Variants in TMEM178B observed in about 807,000 individuals in gnomAD.
TMEM178B encodes the protein transmembrane protein 178B.
TMEM178B carries 5 observed loss-of-function variants against 31.0 expected under a neutral mutation model. The ratio of observed to expected loss-of-function variants is 0.16; its 90% CI spans 0.08 to 0.34. The LOEUF is 0.34. TMEM178B is among the 10% of genes least tolerant of loss of function. The pLI is 1.00. For synonymous variants in TMEM178B, 164 were observed against 164.0 expected (o/e 1.00, Z 0.00); for missense variants, 275 against 400.3 (o/e 0.69, Z 2.67).
At chr7:141,285,375 G>A (rs945559919) in intron 2 of TMEM178B, among the ~76,000 whole-genome samples, 1 of 151,124 alleles carries the variant, frequency 6.6e-6, no homozygotes, top group Non-Finnish European at 1.5e-5. Context: ...AGCCAAGATG[G>A]TCTCGATCTC....
At chr7:141,267,825 TA>T (rs1798117526) in intron 2 of TMEM178B, among the ~76,000 whole-genome samples, 1 of 152,158 alleles carries the variant, frequency 6.6e-6, no homozygotes, top group Non-Finnish European at 1.5e-5. Flanking sequence ...CCTCATCATA[TA>T]ATTGGGGGAT....
At chr7:141,279,799 T>C (rs73169503) in intron 2 of TMEM178B, among the ~76,000 whole-genome samples, 8,181 of 152,340 alleles carry the variant, frequency 0.054, 346 homozygotes, top group East Asian at 0.13. Flanking sequence ...CTTCTCTTCC[T>C]AGATGGCCCT....
chr7:141,196,280 C>T (rs775396122), intron 1 of TMEM178B, among the ~76,000 whole-genome samples: 1 of 151,952 alleles, frequency 6.6e-6, no homozygotes, highest in Non-Finnish European at 1.5e-5. Context: ...GGTTTTCACT[C>T]TTTTTTGCAA....
intron 1 of TMEM178B, among the ~76,000 whole-genome samples, chr7:141,176,659 A>T (rs1270390954): frequency 6.6e-6 from 1 of 152,070 alleles, no homozygotes; most frequent in Admixed American, 6.5e-5. Context: ...CTATTCAGGG[A>T]TTCAATTTCT....
chr7:141,212,780 C>A (rs888997366), intron 2 of TMEM178B, 76 bp downstream of exon 2: 1 of 1,183,884 alleles, frequency 8.4e-7, no homozygotes, highest in Non-Finnish European at 1.2e-6. Flanking sequence ...ATTGGATGTG[C>A]CTCCTTCTGG....
chr7:141,289,439 G>C (rs762947344), intron 2 of TMEM178B, among the ~76,000 whole-genome samples: 7 of 152,162 alleles, frequency 4.6e-5, no homozygotes, highest in Non-Finnish European at 8.8e-5. Flanking sequence ...AATGCGGCTG[G>C]GTGTGGTGGT....
intron 2 of TMEM178B, among the ~76,000 whole-genome samples, chr7:141,247,204 T>TCTAC (rs1160209356): frequency 1.3e-5 from 2 of 149,976 alleles, no homozygotes; most frequent in African/African-American, 4.9e-5. Context: ...GGTTTCTCTC[T>TCTAC]ACACACACAC....
intron 2 of TMEM178B, among the ~76,000 whole-genome samples, chr7:141,322,988 T>C (rs1347890078): frequency 1.3e-5 from 2 of 152,198 alleles, no homozygotes. Flanking sequence ...ACCATTTCCT[T>C]ATGTGCCCTT....
intron 2 of TMEM178B, among the ~76,000 whole-genome samples, chr7:141,334,578 G>A (rs1378418823): frequency 6.6e-6 from 1 of 152,176 alleles, no homozygotes; most frequent in East Asian, 1.9e-4. Context: ...CTTGGGAACA[G>A]GGGGGAAAAG....
At chr7:141,172,530 C>T (rs964373470) in intron 1 of TMEM178B, among the ~76,000 whole-genome samples, 3 of 152,222 alleles carry the variant, frequency 2.0e-5, no homozygotes, top group African/African-American at 7.2e-5. Context: ...GGCCCTGCAA[C>T]CTCAGCAAGT....
chr7:141,501,215 A>G, the TMEM178B span, among the ~76,000 whole-genome samples: 2 of 151,064 alleles, frequency 1.3e-5, no homozygotes, highest in South Asian at 2.1e-4. Flanking sequence ...GTGGACTCCC[A>G]CAGGTAGGTC....
intron 1 of TMEM178B, among the ~76,000 whole-genome samples, chr7:141,157,230 C>A (rs950695702): frequency 6.6e-6 from 1 of 152,090 alleles, no homozygotes; most frequent in Non-Finnish European, 1.5e-5. Context: ...TGCAAACTAC[C>A]AAGTCTCATG....
chr7:141,441,702 A>G (rs1457505327), intron 3 of TMEM178B, among the ~76,000 whole-genome samples: 1 of 152,190 alleles, frequency 6.6e-6, no homozygotes, highest in African/African-American at 2.4e-5. Context: ...AGGTGACTTC[A>G]GAGGAAACTG....
intron 2 of TMEM178B, among the ~76,000 whole-genome samples, chr7:141,234,352 G>T (rs1484678328): frequency 6.6e-6 from 1 of 152,128 alleles, no homozygotes; most frequent in African/African-American, 2.4e-5. Context: ...CTTGAACAAT[G>T]GCTGGGACTT....
chr7:141,076,885 T>G (rs1490688060), intron 1 of TMEM178B, among the ~76,000 whole-genome samples: 1 of 152,160 alleles, frequency 6.6e-6, no homozygotes, highest in African/African-American at 2.4e-5. Context: ...GCTGTTTCTG[T>G]CCATTTGACA....
At chr7:141,497,931 C>T in the TMEM178B span, among the ~76,000 whole-genome samples, 1 of 152,162 alleles carries the variant, frequency 6.6e-6, no homozygotes, top group Non-Finnish European at 1.5e-5. Context: ...CCTGAAGCTG[C>T]AAAGCCCTGG....
intron 1 of TMEM178B, among the ~76,000 whole-genome samples, chr7:141,099,953 G>A (rs1335813367): frequency 1.3e-5 from 2 of 151,572 alleles, no homozygotes; most frequent in Non-Finnish European, 2.9e-5. Flanking sequence ...CCTCGTAGCT[G>A]GGACTACAGG....
chr7:141,415,808 C>A (rs1801085774), intron 2 of TMEM178B, among the ~76,000 whole-genome samples: 1 of 152,136 alleles, frequency 6.6e-6, no homozygotes, highest in Non-Finnish European at 1.5e-5. Flanking sequence ...ACAGGCAGAC[C>A]ACTCAGGTTA....
chr7:141,168,659 A>T (rs983072455), intron 1 of TMEM178B, among the ~76,000 whole-genome samples: 1 of 151,974 alleles, frequency 6.6e-6, no homozygotes, highest in African/African-American at 2.4e-5. Context: ...AATCCCAGCT[A>T]CTTGGGAGGC....
Sources: allele counts gnomAD v4.1 joint callset (sites outside exome capture counted in the v4.1 genomes callset), GRCh38; gene constraint gnomAD v4.1.1; transcripts MANE v1.5; gene names NCBI Gene and HGNC (gene_info 2026-07-23, HGNC 2026-07-21).